The following ADGRD1 variants were observed in gnomAD, a reference collection of about 807,000 sequenced individuals.
ADGRD1 encodes the protein G-protein coupled receptor 133.
In ADGRD1, 77 loss-of-function variants were observed where a neutral mutation model predicts 113.4. That is an observed-to-expected ratio of 0.68 (90% CI 0.57 to 0.82). ADGRD1 has a LOEUF of 0.82. ADGRD1 is among the 40% of genes least tolerant of loss of function. The probability of loss-of-function intolerance (pLI) is 0.00; values close to 1 mark genes in which losing one functional copy is unlikely to be tolerated. For synonymous variants in ADGRD1, 474 were observed against 475.0 expected, an observed-to-expected ratio of 1.00 and a Z score of 0.03; for missense variants, 1,036 against 1,139.1, an observed-to-expected ratio of 0.91 and a Z score of 1.30.
intron 4 of ADGRD1, chr12:130,981,512 C>T (rs745577556): frequency 2.4e-4 from 39 of 161,776 alleles, no homozygotes; most frequent in Non-Finnish European, 4.3e-4. Context: ...TAGGTCTTCA[C>T]ATTTGCATGA....
chr12:131,117,593 A>AG (rs1157268948), intron 18 of ADGRD1, among the ~76,000 whole-genome samples: 1 of 152,152 alleles, frequency 6.6e-6, no homozygotes, highest in Non-Finnish European at 1.5e-5. Context: ...TGGGCCAGCC[A>AG]GGGTCACATG....
At chr12:131,078,985 C>T (rs1885859266) in intron 14 of ADGRD1, among the ~76,000 whole-genome samples, 1 of 152,112 alleles carries the variant, frequency 6.6e-6, no homozygotes, top group Non-Finnish European at 1.5e-5. Context: ...TCCAAGATGC[C>T]CCCGTGTCTG....
chr12:130,955,123 C>CTTTTTTTTTTTTTTTTTTTTTTT lies in ADGRD1; in HGVS notation c.103+476_103+477insTTTTTTTTTTTTTTTTTTTTTTT, dbSNP rs71451389. Among the ~76,000 whole-genome samples the CTTTTTTTTTTTTTTTTTTTTTTT allele has an allele frequency of 9.4e-4, 94 of 99,666 alleles. 1 individual carries two copies. The highest frequency in any genetic ancestry group is 1.6e-3 in the East Asian group (6 of 3,836). 65.4% of individuals were successfully genotyped at this position (99,666 alleles called of 152,430 possible). A position where few individuals can be genotyped will look rare whatever the true frequency, so the allele number is the denominator to read the frequency against. On this transcript the variant is annotated intron_variant, in intron 2 of 24. Transcript: ENST00000261654. Reference sequence around the variant, plus strand: ...CACAGGTGTGCACCACTACACCCAGCTTTTTTTTTTTTTGTATTTTTAGTA... The same window carrying CTTTTTTTTTTTTTTTTTTTTTTT: ...CACAGGTGTGCACCACTACACCCAGCTTTTTTTTTTTTTTTTTTTTTTTTTTTTTTTTTTTTGTATTTTTAGTA...
intron 13 of ADGRD1, among the ~76,000 whole-genome samples, chr12:131,063,835 G>A (rs753327358): frequency 1.3e-5 from 2 of 152,190 alleles, no homozygotes; most frequent in Non-Finnish European, 2.9e-5. Context: ...TTCTTGCTGG[G>A]ATGACTAGGA....
At chr12:130,993,601 C>G (rs991225797) in intron 8 of ADGRD1, among the ~76,000 whole-genome samples, 4 of 152,064 alleles carry the variant, frequency 2.6e-5, no homozygotes, top group African/African-American at 9.7e-5. Context: ...TCCACCACTC[C>G]CGGCTCTGTG....
At position 130,982,993 on chromosome 12, in the gene ADGRD1, T is replaced by A. The variant is rs181729692; in HGVS notation, c.490+930T>A. 1.1e-4 allele frequency among the ~76,000 whole-genome samples: 17 copies of A among 152,278 alleles called. No individual in the cohort carries two copies. The East Asian group carries it at 2.7e-3, about 24-fold the overall frequency. On this transcript the variant is annotated intron_variant, in intron 5 of 24. Coordinates refer to ENST00000261654, the MANE Select transcript of ADGRD1 (RefSeq NM_198827.5). ...CTTTGATGTATTTAAGGGAAATCCATTTTCTGGCTCATTCTTAAGGGAGGC... is the reference window on the plus strand; with the variant it reads ...CTTTGATGTATTTAAGGGAAATCCAATTTCTGGCTCATTCTTAAGGGAGGC...
intron 21 of ADGRD1, among the ~76,000 whole-genome samples, chr12:131,132,696 A>G (rs1256088305): frequency 6.6e-6 from 1 of 152,110 alleles, no homozygotes; most frequent in Non-Finnish European, 1.5e-5. Flanking sequence ...CTCAGGCTGG[A>G]CCTGTGCCCT....
rs201161969 is a variant in ADGRD1 at position 131,138,202 on chromosome 12, C to T, written c.2502C>T (p.Ser834=). Residue 834 remains serine (S), a synonymous_variant, in exon 24 of 25, where the codon TCC becomes TCT. Coordinates refer to ENST00000261654, the MANE Select transcript of ADGRD1 (RefSeq NM_198827.5). ...TCACGAGCAGCTCTGCCCGCACCTC[C>T]AACGCGAAGCCCTTCCACTCGGACC... ...WSLTSSSART[S]NAKPFHSDLM... The T allele has an allele frequency of 1.1e-5, 18 of 1,613,570 alleles. No homozygotes were observed. The East Asian group carries it at 1.6e-4, about 14-fold the overall frequency.
chr12:130,979,527 T>C (rs558974264), intron 4 of ADGRD1, among the ~76,000 whole-genome samples: 69 of 152,302 alleles, frequency 4.5e-4, no homozygotes, highest in African/African-American at 1.6e-3. Context: ...AATGTCTTCT[T>C]TGAATTCAGT....
chr12:131,018,571 A>G (rs913649846), intron 13 of ADGRD1, among the ~76,000 whole-genome samples: 8 of 151,962 alleles, frequency 5.3e-5, no homozygotes, highest in African/African-American at 1.9e-4. Flanking sequence ...CCCGTATGTT[A>G]AACAATCCCG....
intron 8 of ADGRD1, among the ~76,000 whole-genome samples, chr12:130,998,468 T>C (rs746328233): frequency 6.6e-6 from 1 of 152,128 alleles, no homozygotes; most frequent in Non-Finnish European, 1.5e-5. Flanking sequence ...TTCTTTTCTT[T>C]TCCTTTCTTT....
At chr12:131,105,683 G>A in intron 16 of ADGRD1, 71 bp from the exon 17 acceptor site, 2 of 1,192,788 alleles carry the variant, frequency 1.7e-6, no homozygotes, top group Non-Finnish European at 2.4e-6. Context: ...GACTTCGTGG[G>A]GCCAGGGAGC....
chr12:130,963,348 A>T (rs1276954962), intron 2 of ADGRD1, among the ~76,000 whole-genome samples: 1 of 139,338 alleles, frequency 7.2e-6, no homozygotes, highest in Non-Finnish European at 1.7e-5. Context: ...AAAAAGAAAG[A>T]AAAATTCAAA....
chr12:131,028,720 G>A (rs978121083), intron 13 of ADGRD1, among the ~76,000 whole-genome samples: 8 of 152,200 alleles, frequency 5.3e-5, no homozygotes, highest in East Asian at 3.9e-4. Context: ...CTGTGGTGCC[G>A]CCTTTGCCGT....
At chr12:131,016,288 C>T (rs1283035283) in intron 13 of ADGRD1, among the ~76,000 whole-genome samples, 1 of 152,252 alleles carries the variant, frequency 6.6e-6, no homozygotes, top group East Asian at 1.9e-4. Context: ...GCATGGAGCC[C>T]ACTGCCCTTC....
At chr12:131,102,963 G>T (rs894858712) in intron 15 of ADGRD1, among the ~76,000 whole-genome samples, 1 of 152,210 alleles carries the variant, frequency 6.6e-6, no homozygotes, top group Non-Finnish European at 1.5e-5. Context: ...TCATCCTCAG[G>T]GATACTGATG....
At chr12:131,132,525 A>T (rs1479084811) in intron 21 of ADGRD1, among the ~76,000 whole-genome samples, 1 of 95,750 alleles carries the variant, frequency 1.0e-5, no homozygotes, top group East Asian at 2.5e-4. Context: ...TGGCAGTTGC[A>T]GCACCGGGCC....
chr12:131,098,911 C>T (rs755504712), intron 15 of ADGRD1, among the ~76,000 whole-genome samples: 7 of 152,246 alleles, frequency 4.6e-5, no homozygotes, highest in East Asian at 1.9e-4. Context: ...CCCTGCCTCT[C>T]GCCAGCTGCA....
intron 8 of ADGRD1, 60 bp from the exon 9 acceptor site, chr12:131,000,323 G>C (rs1876197324): frequency 1.5e-6 from 2 of 1,292,230 alleles, no homozygotes; most frequent in African/African-American, 1.5e-5. Flanking sequence ...GAAAACTGAA[G>C]GTCTTCAAGT....
Sources: allele counts gnomAD v4.1 joint callset (sites outside exome capture counted in the v4.1 genomes callset), GRCh38; gene constraint gnomAD v4.1.1; transcripts MANE v1.5; gene names NCBI Gene and HGNC (gene_info 2026-07-23, HGNC 2026-07-21).